The following ARHGAP15 variants were observed in gnomAD, a reference collection of about 807,000 sequenced individuals.
ARHGAP15 encodes rho GTPase-activating protein 15.
ARHGAP15 carries 51 observed loss-of-function variants against 63.7 expected under a neutral mutation model. That is an observed-to-expected ratio of 0.80 (90% confidence interval 0.64 to 1.01). The LOEUF (loss-of-function observed/expected upper bound fraction) is 1.01. Among genes scored for constraint, ARHGAP15 ranks in the 50% least tolerant of loss-of-function variants. The pLI is 0.00. For missense variants in ARHGAP15, 560 were observed against 564.6 expected (o/e 0.99, Z 0.08); for synonymous variants, 191 against 193.8 (o/e 0.99, Z 0.12).
intron 6 of ARHGAP15, among the ~76,000 whole-genome samples, chr2:143,255,697 AAAAT>A (rs1191248293): frequency 1.3e-5 from 2 of 152,166 alleles, no homozygotes; most frequent in Non-Finnish European, 2.9e-5. Flanking sequence ...GTGGTGGTTT[AAAAT>A]AAATCCGAGC....
At chr2:143,657,953 G>A (rs1157027962) in intron 12 of ARHGAP15, among the ~76,000 whole-genome samples, 2 of 152,308 alleles carry the variant, frequency 1.3e-5, no homozygotes, top group East Asian at 3.9e-4. Flanking sequence ...TGTCATAACA[G>A]TTCTCTCCTA....
intron 10 of ARHGAP15, among the ~76,000 whole-genome samples, chr2:143,537,462 G>A (rs1300125636): frequency 6.6e-6 from 1 of 152,192 alleles, no homozygotes; most frequent in Non-Finnish European, 1.5e-5. Flanking sequence ...CCATGCTTAT[G>A]TCTTGAATGG....
In ARHGAP15 at chr2:143,491,219, G is replaced by C. The variant is rs138006115; in HGVS notation, c.826+3724G>C. 1.2e-4 allele frequency among the ~76,000 whole-genome samples: 19 copies of C among 152,314 alleles called. No individual in the cohort carries two copies. The East Asian group carries it at 3.5e-3, about 28-fold the overall frequency. Reference sequence around the variant, plus strand: ...TTTAACATATAAATTATAGGCAAAAGCGTCCATTTTTGGGTGGTAGGAGTG... The same window carrying C: ...TTTAACATATAAATTATAGGCAAAACCGTCCATTTTTGGGTGGTAGGAGTG... On this transcript the variant is annotated intron_variant, in intron 9 of 13. Coordinates refer to ENST00000295095, the MANE Select transcript of ARHGAP15 (RefSeq NM_018460.4).
chr2:143,163,709 A>G (rs1301690471), intron 2 of ARHGAP15, among the ~76,000 whole-genome samples: 1 of 152,100 alleles, frequency 6.6e-6, no homozygotes, highest in Non-Finnish European at 1.5e-5. Context: ...CATCACAGAA[A>G]TCTATAGTAC....
chr2:143,500,625 T>C (rs573538833), intron 9 of ARHGAP15, among the ~76,000 whole-genome samples: 41 of 152,290 alleles, frequency 2.7e-4, no homozygotes, highest in African/African-American at 9.6e-4. Context: ...AAATGTGTTA[T>C]ATATTTATTT....
At chr2:143,506,694 G>A (rs919758252) in intron 9 of ARHGAP15, among the ~76,000 whole-genome samples, 1 of 152,048 alleles carries the variant, frequency 6.6e-6, no homozygotes, top group Non-Finnish European at 1.5e-5. Flanking sequence ...ACAAAATTTG[G>A]TCATGTTAAT....
chr2:143,605,345 A>T (rs1218819305), intron 11 of ARHGAP15, among the ~76,000 whole-genome samples: 1 of 152,198 alleles, frequency 6.6e-6, no homozygotes, highest in Non-Finnish European at 1.5e-5. Flanking sequence ...TCAGCGCCAT[A>T]GCTGAATTCT....
At chr2:143,351,072 T>G (rs1685548252) in intron 6 of ARHGAP15, 1 of 152,026 alleles carries the variant, frequency 6.6e-6, no homozygotes, top group African/African-American at 2.4e-5. Flanking sequence ...GTAAAGACAA[T>G]AGACATGCTG....
At position 143,389,140 on chromosome 2, in the gene ARHGAP15, TA is replaced by T. The variant is rs1229053788; in HGVS notation, c.475-46460del. 1.1e-3 allele frequency among the ~76,000 whole-genome samples: 169 copies of T among 149,278 alleles called. 1 individual carries two copies. The highest frequency in any genetic ancestry group is 4.0e-3 in the African/African-American group (163 of 40,952). Reference sequence around the variant, plus strand: ...TATTATTATTATTATTATTATTTTTTATTATTATTATTTTACAAATTGTATT... The same window carrying T: ...TATTATTATTATTATTATTATTTTTTTTATTATTATTTTACAAATTGTATT... On this transcript the variant is annotated intron_variant, in intron 6 of 13. Coordinates refer to ENST00000295095, the MANE Select transcript of ARHGAP15 (RefSeq NM_018460.4).
intron 1 of ARHGAP15, among the ~76,000 whole-genome samples, chr2:143,131,880 G>A (rs1177244845): frequency 6.6e-6 from 1 of 152,092 alleles, no homozygotes; most frequent in African/African-American, 2.4e-5. Flanking sequence ...CATTGGTCCT[G>A]CCTGTGGCAT....
intron 6 of ARHGAP15, among the ~76,000 whole-genome samples, chr2:143,262,521 G>A (rs1476567101): frequency 7.4e-6 from 1 of 134,382 alleles, no homozygotes; most frequent in African/African-American, 3.0e-5. Context: ...GTATATGCGG[G>A]GTCTGAACCT....
intron 6 of ARHGAP15, among the ~76,000 whole-genome samples, chr2:143,386,309 C>G (rs151098320): frequency 9.7e-4 from 147 of 152,190 alleles, no homozygotes; most frequent in African/African-American, 3.4e-3. Context: ...ATGCAATTTT[C>G]CACTATGAGT....
At chr2:143,661,609 C>T (rs1455992079) in intron 12 of ARHGAP15, among the ~76,000 whole-genome samples, 1 of 152,124 alleles carries the variant, frequency 6.6e-6, no homozygotes. Flanking sequence ...GTCTACAGCT[C>T]CCAGTGTGAG....
intron 13 of ARHGAP15, among the ~76,000 whole-genome samples, chr2:143,707,222 A>G (rs1329816705): frequency 3.3e-5 from 5 of 152,166 alleles, no homozygotes; most frequent in Non-Finnish European, 5.9e-5. Flanking sequence ...GATTGGAGTG[A>G]TGGACGTCAA....
chr2:143,171,955 C>T (rs1431009267), intron 2 of ARHGAP15: 1 of 152,098 alleles, frequency 6.6e-6, no homozygotes, highest in Non-Finnish European at 1.5e-5. Context: ...CTCCACTCAC[C>T]ATCTTTAGAA....
chr2:143,468,678 G>GTGTT lies in ARHGAP15; in HGVS notation c.704-18692_704-18691insTTGT, dbSNP rs1298772478. The stretch of plus-strand genomic sequence containing the variant: ...AGAGAGAGAGAGTGTGTGTGTGTGT[G>GTGTT]TGTGTGTGTTGTAAAAGTTAAGAGG... On this transcript the variant is annotated intron_variant, in intron 8 of 13. Transcript: ENST00000295095. 6.6e-5 allele frequency among the ~76,000 whole-genome samples: 10 copies of GTGTT among 151,808 alleles called. 1 individual carries two copies. The South Asian group carries it at 1.3e-3, about 19-fold the overall frequency.
At chr2:143,670,343 A>G (rs761561799) in intron 12 of ARHGAP15, among the ~76,000 whole-genome samples, 59 of 152,188 alleles carry the variant, frequency 3.9e-4, no homozygotes, top group Non-Finnish European at 8.1e-4. Context: ...CATGTATCTT[A>G]TATTGGAGGT....
chr2:143,250,690 G>A, intron 6 of ARHGAP15, 90 bp downstream of exon 6: 1 of 1,021,054 alleles, frequency 9.8e-7, no homozygotes, highest in Non-Finnish European at 1.5e-6. Flanking sequence ...TTCTTGTGAT[G>A]TGCTCATGTA....
intron 3 of ARHGAP15, among the ~76,000 whole-genome samples, chr2:143,214,022 T>C (rs994472643): frequency 6.6e-6 from 1 of 152,368 alleles, no homozygotes; most frequent in African/African-American, 2.4e-5. Context: ...TTTATGTTGA[T>C]TTCTCCCTAT....
Sources: gnomAD v4.1 joint callset for allele counts (sites outside exome capture counted in the v4.1 genomes callset) on GRCh38, gnomAD v4.1.1 for gene constraint, MANE v1.5 for transcripts, NCBI Gene and HGNC (gene_info 2026-07-23, HGNC 2026-07-21) for gene names.